Variants in PTPRT observed in about 807,000 individuals in gnomAD.
PTPRT encodes protein tyrosine phosphatase receptor type T.
Under a neutral mutation model 176.8 loss-of-function variants are expected in PTPRT, and 56 were observed. The observed-to-expected ratio is 0.32, with a 90% CI of 0.26 to 0.40. PTPRT has a LOEUF of 0.40. PTPRT is among the 10% of genes least tolerant of loss of function. The pLI, the probability that PTPRT is intolerant of heterozygous loss-of-function variation, is 1.00. For synonymous variants in PTPRT, 783 were observed against 739.0 expected (o/e 1.06, Z -0.96); for missense variants, 1,540 against 1,908.2 (o/e 0.81, Z 3.60).
At chr20:42,350,575 C>T (rs1361845107) in intron 11 of PTPRT, 53 bp downstream of exon 11, 1 of 1,385,654 alleles carries the variant, frequency 7.2e-7, no homozygotes, top group African/African-American at 1.4e-5. Context: ...ACTGGAGGCC[C>T]ATGTGGCACA....
chr20:42,185,499 C>T (rs1990741785), intron 16 of PTPRT, among the ~76,000 whole-genome samples: 1 of 152,132 alleles, frequency 6.6e-6, no homozygotes, highest in South Asian at 2.1e-4. Context: ...ATAAAAAGGG[C>T]TTTGTAAAAT....
rs111522780 is a variant in PTPRT, at chr20:42,371,733, G to A, written c.1561-19448C>T. 8.1e-3 allele frequency among the ~76,000 whole-genome samples: 1,235 copies of A among 152,312 alleles called. 21 individuals are homozygous for A. Among genetic ancestry groups the A allele is most frequent in the African/African-American group, 0.028 (1,166 of 41,562 alleles). On this transcript the variant is annotated intron_variant, in intron 9 of 30. Coordinates refer to ENST00000373187, the MANE Select transcript of PTPRT (RefSeq NM_007050.6). ...TATCATATATTTGAGCCCAGTCCCT[G>A]GTTCAAGGGAAGAAATGTTAAGAAC...
chr20:42,895,243 G>T (rs1289872763), intron 1 of PTPRT, among the ~76,000 whole-genome samples: 2 of 152,072 alleles, frequency 1.3e-5, no homozygotes, highest in African/African-American at 4.8e-5. Context: ...GTTGGGCAGG[G>T]TCAGGTGAGG....
At position 42,816,968 on chromosome 20, in the gene PTPRT, G is replaced by T. The variant is rs1014376560; in HGVS notation, c.215-25502C>A. On this transcript the variant is annotated intron_variant, in intron 2 of 30. Transcript: ENST00000373187. ...GACAGAGGTGATTGGGAGAAGGGGA[G>T]ATCAACAATGTCTTCCTCACCTTAC... 9.2e-5 allele frequency among the ~76,000 whole-genome samples: 14 copies of T among 152,310 alleles called. No individual in the cohort carries two copies. The South Asian group carries it at 2.9e-3, about 32-fold the overall frequency.
chr20:43,056,605 TG>T (rs1009774412), intron 1 of PTPRT, among the ~76,000 whole-genome samples: 3 of 152,128 alleles, frequency 2.0e-5, no homozygotes, highest in Admixed American at 6.5e-5. Context: ...AAAATTTTTC[TG>T]GGGGGGTGTT....
chr20:42,342,319 A>G lies in PTPRT; in HGVS notation c.1865+8309T>C, dbSNP rs143909166. Among the ~76,000 whole-genome samples, 16 of 152,204 alleles carry G rather than the reference A, an allele frequency of 1.1e-4. No homozygotes were observed. The East Asian group carries it at 2.5e-3, about 24-fold the overall frequency. On this transcript the variant is annotated intron_variant, in intron 11 of 30. Transcript: ENST00000373187. The stretch of plus-strand genomic sequence containing the variant: ...TATATCTGGCTTCTCCTATTTCCCA[A>G]TCTGGTGTGATGAAGTCCCAGCGTG...
intron 1 of PTPRT, among the ~76,000 whole-genome samples, chr20:43,046,444 TG>T (rs3092399): frequency 0.3 from 44,732 of 151,206 alleles, 8,673 homozygotes; most frequent in African/African-American, 0.54. Flanking sequence ...GGAGCGCGCC[TG>T]TAGTCCCAGC....
chr20:42,790,699 C>T (rs568478826), intron 3 of PTPRT, among the ~76,000 whole-genome samples: 1 of 152,280 alleles, frequency 6.6e-6, no homozygotes, highest in Admixed American at 6.5e-5. Context: ...TTCCCTCCCT[C>T]CCTTTTAAAA....
intron 1 of PTPRT, among the ~76,000 whole-genome samples, chr20:43,088,419 C>T (rs2011693923): frequency 6.7e-6 from 1 of 149,974 alleles, no homozygotes; most frequent in African/African-American, 2.5e-5. Context: ...AGTGGAGTTT[C>T]CAACATCATC....
chr20:43,070,133 C>A (rs1021496264), intron 1 of PTPRT, among the ~76,000 whole-genome samples: 2 of 152,072 alleles, frequency 1.3e-5, no homozygotes, highest in African/African-American at 2.4e-5. Context: ...AATCTGCTCC[C>A]AACTCTCCAA....
intron 7 of PTPRT, among the ~76,000 whole-genome samples, chr20:42,492,571 T>C (rs1211295641): frequency 6.6e-6 from 1 of 152,210 alleles, no homozygotes; most frequent in Non-Finnish European, 1.5e-5. Context: ...CTTCAGCCTG[T>C]TGTGCAAATA....
intron 1 of PTPRT, among the ~76,000 whole-genome samples, chr20:43,029,561 G>A (rs12481460): frequency 0.091 from 13,811 of 152,250 alleles, 686 homozygotes; most frequent in Middle Eastern, 0.16. Context: ...GTATATGGCC[G>A]TACAGTCTAC....
intron 7 of PTPRT, among the ~76,000 whole-genome samples, chr20:42,574,097 T>A (rs2073213465): frequency 6.6e-6 from 1 of 152,072 alleles, no homozygotes; most frequent in Non-Finnish European, 1.5e-5. Flanking sequence ...GCTCCCAAGT[T>A]GGAGAAGCAT....
intron 7 of PTPRT, among the ~76,000 whole-genome samples, chr20:42,560,562 A>G (rs2072936251): frequency 6.6e-6 from 1 of 152,138 alleles, no homozygotes; most frequent in Non-Finnish European, 1.5e-5. Flanking sequence ...TAGGGAGCAA[A>G]ATTGCCTCAG....
intron 7 of PTPRT, among the ~76,000 whole-genome samples, chr20:42,574,804 C>T (rs1010515854): frequency 1.2e-4 from 18 of 152,112 alleles, no homozygotes; most frequent in African/African-American, 4.3e-4. Context: ...ATAATGGGGG[C>T]AGTTTCCCCC....
chr20:43,080,498 T>C (rs908548536), intron 1 of PTPRT, among the ~76,000 whole-genome samples: 2 of 152,244 alleles, frequency 1.3e-5, no homozygotes, highest in Admixed American at 6.5e-5. Context: ...ACTACACCCA[T>C]TGAGATCACT....
chr20:42,830,399 G>A (rs1218218170), intron 2 of PTPRT, among the ~76,000 whole-genome samples: 5 of 151,986 alleles, frequency 3.3e-5, no homozygotes, highest in Admixed American at 6.6e-5. Flanking sequence ...ATTCAATATC[G>A]CTTCATGTTA....
At chr20:42,953,758 G>A (rs1417802804) in intron 1 of PTPRT, among the ~76,000 whole-genome samples, 5 of 152,170 alleles carry the variant, frequency 3.3e-5, no homozygotes, top group Non-Finnish European at 7.3e-5. Flanking sequence ...TCAGATGACT[G>A]AGCCTGGCTA....
At chr20:42,998,119 T>C (rs534304087) in intron 1 of PTPRT, among the ~76,000 whole-genome samples, 4 of 152,284 alleles carry the variant, frequency 2.6e-5, no homozygotes, top group Admixed American at 2.6e-4. Flanking sequence ...CTACCCCCTC[T>C]ATGGAAAAGT....
Sources: allele counts gnomAD v4.1 joint callset (sites outside exome capture counted in the v4.1 genomes callset), GRCh38; gene constraint gnomAD v4.1.1; transcripts MANE v1.5; gene names NCBI Gene and HGNC (gene_info 2026-07-23, HGNC 2026-07-21).